GNAL: variants seen among roughly 807,000 people sequenced by gnomAD.
GNAL encodes guanine nucleotide-binding protein G(olf) subunit alpha.
A neutral mutation model predicts 55.1 loss-of-function variants in GNAL; 18 were observed. The ratio of observed to expected loss-of-function variants is 0.33; its 90% CI spans 0.23 to 0.48. The LOEUF is 0.48. Ranked by LOEUF, GNAL falls within the 20% of genes least tolerant of loss-of-function variation. GNAL has a pLI of 0.99. For synonymous variants in GNAL, 253 were observed against 237.0 expected, an observed-to-expected ratio of 1.07 and a Z score of -0.62; for missense variants, 412 against 614.1, an observed-to-expected ratio of 0.67 and a Z score of 3.48.
chr18:11,728,411 T>C (rs1409654178), intron 1 of GNAL, among the ~76,000 whole-genome samples: 1 of 152,168 alleles, frequency 6.6e-6, no homozygotes, highest in Non-Finnish European at 1.5e-5. Context: ...GCCAGTGTCA[T>C]GTAAGCTCTC....
At chr18:11,740,029 G>T (rs941015780) in intron 1 of GNAL, among the ~76,000 whole-genome samples, 1 of 151,762 alleles carries the variant, frequency 6.6e-6, no homozygotes, top group African/African-American at 2.4e-5. Context: ...CCCTCCTTCC[G>T]CATTCACTAG....
intron 1 of GNAL, among the ~76,000 whole-genome samples, chr18:11,708,066 A>C (rs777398673): frequency 2.0e-5 from 3 of 152,062 alleles, no homozygotes; most frequent in Non-Finnish European, 4.4e-5. Context: ...TGGCTATTTC[A>C]CTTTCTCGTT....
At chr18:11,827,062 G>A (rs73944915) in intron 5 of GNAL, among the ~76,000 whole-genome samples, 8 of 152,286 alleles carry the variant, frequency 5.3e-5, no homozygotes, top group African/African-American at 1.2e-4. Context: ...GGAGAGACCC[G>A]GAAGGAGGAG....
rs147401762 is a variant in GNAL at position 11,699,136 on chromosome 18, T to C, written c.376+9197T>C. The stretch of plus-strand genomic sequence containing the variant: ...GAGCCCTAGATGATTATTTCTCACC[T>C]GACAGCACCCAGGATAATTTACTTT... On this transcript the variant is annotated intron_variant, in intron 1 of 11. Transcript: ENST00000334049. 5.9e-3 allele frequency among the ~76,000 whole-genome samples: 897 copies of C among 152,242 alleles called. 11 individuals carry two copies. Among genetic ancestry groups the C allele is most frequent in the African/African-American group, 0.021 (855 of 41,552 alleles).
chr18:11,832,521 G>T (rs2035407201), intron 5 of GNAL, among the ~76,000 whole-genome samples: 2 of 152,150 alleles, frequency 1.3e-5, no homozygotes, highest in African/African-American at 4.8e-5. Flanking sequence ...TAGCACAAAT[G>T]AAATTTCAAC....
In GNAL at chr18:11,752,137, C is replaced by T. The variant is rs779701384; in HGVS notation, c.377-716C>T. Reference sequence around the variant, plus strand: ...TGTCTCCAGCGGAGACCGGCGCCCTCGCCCCCCGTCTCCGTTCATTGTGCT... The same window carrying T: ...TGTCTCCAGCGGAGACCGGCGCCCTTGCCCCCCGTCTCCGTTCATTGTGCT... On this transcript the variant is annotated intron_variant, in intron 1 of 11. Coordinates refer to ENST00000334049, the MANE Select transcript of GNAL (RefSeq NM_182978.4). The surrounding 1 kb of genome is among the most constrained non-coding windows in gnomAD (Gnocchi z 4.5). The T allele has an allele frequency of 1.7e-5, 4 of 234,080 alleles. No homozygotes were observed. The highest frequency in any genetic ancestry group is 2.3e-5 in the Non-Finnish European group (3 of 129,884). The allele number at this position is 234,080 out of a possible 1,614,324, so 14.5% of individuals were successfully genotyped here. A position where few individuals can be genotyped will look rare whatever the true frequency, so the allele number is the denominator to read the frequency against.
Position 11,884,362 on chromosome 18 carries a change from T to G in GNAL, c.*3227T>G. 1 of 1,345,304 alleles carries G rather than the reference T, an allele frequency of 7.4e-7. No homozygotes were observed. The highest frequency in any genetic ancestry group is 1.0e-6 in the Non-Finnish European group (1 of 961,078). 83.3% of individuals were successfully genotyped at this position (1,345,304 alleles called of 1,614,324 possible). A position where few individuals can be genotyped will look rare whatever the true frequency, so the allele number is the denominator to read the frequency against. ...GTGCAGAGAGACGGCCTGTAATTGG[T>G]CTCATCATCCACTTGATTCTAACAT... On this transcript the variant is annotated 3_prime_UTR_variant, in exon 12 of 12. Coordinates refer to ENST00000334049, the MANE Select transcript of GNAL (RefSeq NM_182978.4).
intron 4 of GNAL, among the ~76,000 whole-genome samples, chr18:11,775,634 AAG>A (rs933446108): frequency 1.3e-5 from 2 of 152,232 alleles, no homozygotes; most frequent in African/African-American, 4.8e-5. Flanking sequence ...CACGGACAGC[AAG>A]AAAAGAGGAA....
intron 4 of GNAL, among the ~76,000 whole-genome samples, chr18:11,824,198 G>A (rs552204016): frequency 4.0e-5 from 6 of 148,894 alleles, no homozygotes; most frequent in South Asian, 2.1e-4. Flanking sequence ...CATAGAAAAC[G>A]TAAAAGACAG....
At chr18:11,852,488 G>T (rs2035899891) in intron 5 of GNAL, 2 of 207,204 alleles carry the variant, frequency 9.7e-6, no homozygotes, top group African/African-American at 2.4e-5. Context: ...ATCTAGAATG[G>T]CAGGTGGTGC....
intron 4 of GNAL, 52 bp downstream of exon 4, chr18:11,753,997 T>C: frequency 1.5e-6 from 2 of 1,350,194 alleles, no homozygotes; most frequent in Non-Finnish European, 2.1e-6. Flanking sequence ...GAACCATTTT[T>C]AATAAGGTTT....
At chr18:11,749,006 A>C (rs1268329696) in intron 1 of GNAL, among the ~76,000 whole-genome samples, 1 of 151,802 alleles carries the variant, frequency 6.6e-6, no homozygotes, top group Non-Finnish European at 1.5e-5. Flanking sequence ...GGTGCCTATA[A>C]TCCCAGCTAC....
intron 1 of GNAL, among the ~76,000 whole-genome samples, chr18:11,739,090 GCCTAGAT>G (rs2032520480): frequency 6.6e-6 from 1 of 152,204 alleles, no homozygotes; most frequent in African/African-American, 2.4e-5. Context: ...GCCCTGCGCA[GCCTAGAT>G]CCCTGGGGGC....
chr18:11,761,731 G>A (rs565033528), intron 4 of GNAL, among the ~76,000 whole-genome samples: 15 of 152,268 alleles, frequency 9.9e-5, no homozygotes, highest in South Asian at 8.3e-4. Context: ...TGTGCTCACC[G>A]CAGTGCACCT....
intron 4 of GNAL, among the ~76,000 whole-genome samples, chr18:11,793,140 G>C (rs1450328450): frequency 6.6e-6 from 1 of 151,932 alleles, no homozygotes; most frequent in South Asian, 2.1e-4. Context: ...GAGCAACAAA[G>C]GAAAAAAATA....
chr18:11,834,965 C>A (rs2035468252), intron 5 of GNAL, among the ~76,000 whole-genome samples: 1 of 152,116 alleles, frequency 6.6e-6, no homozygotes, highest in Non-Finnish European at 1.5e-5. Flanking sequence ...CTTAGGGACT[C>A]GCTTCTACCG....
At position 11,745,151 on chromosome 18, in the gene GNAL, G is replaced by A. The variant is rs115117822; in HGVS notation, c.377-7702G>A. 9.8e-3 allele frequency among the ~76,000 whole-genome samples: 1,489 copies of A among 152,192 alleles called. 28 individuals are homozygous for A. The highest frequency in any genetic ancestry group is 0.034 in the African/African-American group (1,417 of 41,518). ...TTTATTAAAATTTAATGTATCCACCGTCTTGTGCTATACATACATCTAGTC... is the reference window on the plus strand; with the variant it reads ...TTTATTAAAATTTAATGTATCCACCATCTTGTGCTATACATACATCTAGTC... On this transcript the variant is annotated intron_variant, in intron 1 of 11. Coordinates refer to ENST00000334049, the MANE Select transcript of GNAL (RefSeq NM_182978.4).
At chr18:11,716,163 A>G (rs1312663757) in intron 1 of GNAL, among the ~76,000 whole-genome samples, 1 of 152,256 alleles carries the variant, frequency 6.6e-6, no homozygotes, top group East Asian at 1.9e-4. Context: ...TATACCCAAA[A>G]GAATATTGAT....
chr18:11,752,449 G>C lies in GNAL; in HGVS notation c.377-404G>C. On this transcript the variant is annotated intron_variant, in intron 1 of 11. Transcript: ENST00000334049. This position sits in a 1 kb window ranked among gnomAD's most constrained non-coding sequence, Gnocchi z 4.5. ...GCGGGCAGGCATGGGGTGTTTGGGC[G>C]GCAACAGCAAGACGACGGAAGACCA... 1 of 1,611,600 alleles carries C rather than the reference G, an allele frequency of 6.2e-7. No individual in the cohort carries two copies. The highest frequency in any genetic ancestry group is 1.1e-5 in the South Asian group (1 of 90,806).
Sources: allele counts gnomAD v4.1 joint callset (sites outside exome capture counted in the v4.1 genomes callset), GRCh38; gene constraint gnomAD v4.1.1; non-coding constraint Gnocchi (gnomAD v3.1); transcripts MANE v1.5; gene names NCBI Gene and HGNC (gene_info 2026-07-23, HGNC 2026-07-21).